SIPA1L1: variants seen among roughly 807,000 people sequenced by gnomAD.
The protein encoded by SIPA1L1 is signal-induced proliferation-associated 1-like protein 1.
A neutral mutation model predicts 162.7 loss-of-function variants in SIPA1L1; 26 were observed. The ratio of observed to expected loss-of-function variants is 0.16; its 90% CI spans 0.12 to 0.22. The LOEUF (loss-of-function observed/expected upper bound fraction) is 0.22, where lower values mean the gene tolerates loss of function less well. Among genes scored for constraint, SIPA1L1 ranks in the 10% least tolerant of loss-of-function variants. SIPA1L1 has a pLI of 1.00. For missense variants in SIPA1L1, 1,874 were observed against 2,241.0 expected (o/e 0.84, Z 3.31); for synonymous variants, 829 against 837.4 (o/e 0.99, Z 0.17).
chr14:71,583,152 C>T (rs1040451023), intron 4 of SIPA1L1, among the ~76,000 whole-genome samples: 7 of 152,142 alleles, frequency 4.6e-5, no homozygotes, highest in African/African-American at 1.7e-4. Flanking sequence ...AAAACTATTT[C>T]TATTTTTTTG....
chr14:71,598,610 T>C (rs567326569), intron 5 of SIPA1L1, among the ~76,000 whole-genome samples: 1 of 152,286 alleles, frequency 6.6e-6, no homozygotes, highest in African/African-American at 2.4e-5. Flanking sequence ...TTAGAATCTA[T>C]AGGGGATTAA....
intron 2 of SIPA1L1, among the ~76,000 whole-genome samples, chr14:71,435,916 C>T (rs2044344343): frequency 6.6e-6 from 1 of 152,176 alleles, no homozygotes; most frequent in African/African-American, 2.4e-5. Context: ...TTGCATTTCT[C>T]TGATGGCCAG....
intron 2 of SIPA1L1, among the ~76,000 whole-genome samples, chr14:71,510,106 A>G (rs750359839): frequency 2.6e-5 from 4 of 152,044 alleles, no homozygotes; most frequent in Non-Finnish European, 5.9e-5. Flanking sequence ...ACTTTGAACC[A>G]AAAATCTTTT....
At chr14:71,701,736 C>T (rs1397993900) in intron 14 of SIPA1L1, among the ~76,000 whole-genome samples, 1 of 152,168 alleles carries the variant, frequency 6.6e-6, no homozygotes, top group Non-Finnish European at 1.5e-5. Flanking sequence ...CACTAAATAG[C>T]TAAATGTTCT....
intron 2 of SIPA1L1, among the ~76,000 whole-genome samples, chr14:71,432,220 C>G (rs1218635398): frequency 6.6e-6 from 1 of 151,896 alleles, no homozygotes; most frequent in Admixed American, 6.6e-5. Flanking sequence ...GACTCTAGAC[C>G]TGTGCCACCT....
intron 2 of SIPA1L1, among the ~76,000 whole-genome samples, chr14:71,436,601 A>T (rs1036198077): frequency 6.6e-6 from 1 of 152,042 alleles, no homozygotes; most frequent in Non-Finnish European, 1.5e-5. Flanking sequence ...TGGCTTGTTC[A>T]TGAACCAGTT....
At chr14:71,605,996 G>A (rs1313216906) in intron 5 of SIPA1L1, among the ~76,000 whole-genome samples, 3 of 152,150 alleles carry the variant, frequency 2.0e-5, no homozygotes, top group Non-Finnish European at 4.4e-5. Flanking sequence ...GTGCACTGGT[G>A]TTGGCCATGG....
In SIPA1L1 at chr14:71,377,957, C is replaced by G. The variant is rs139143040; in HGVS notation, c.-465+56776C>G. On this transcript the variant is annotated intron_variant, in intron 2 of 23. Transcript: ENST00000381232. This position sits in a 1 kb window ranked among gnomAD's most constrained non-coding sequence, Gnocchi z 4.8. ...TCCAGCCTCGGCAACCGAGGGAGAC[C>G]GTGGAAAGCAGGAGATGGAGACGAG... is the stretch of plus-strand genomic sequence containing the variant. Among the ~76,000 whole-genome samples the G allele has an allele frequency of 6.6e-6, 1 of 151,926 alleles. No individual in the cohort carries two copies. The highest frequency in any genetic ancestry group is 1.5e-5 in the Non-Finnish European group (1 of 67,998).
chr14:71,462,234 G>A (rs1198197831), intron 2 of SIPA1L1, among the ~76,000 whole-genome samples: 1 of 152,178 alleles, frequency 6.6e-6, no homozygotes, highest in East Asian at 1.9e-4. Flanking sequence ...TGCAGAAGGC[G>A]GCAGAGCCTT....
At chr14:71,529,821 C>T in intron 4 of SIPA1L1, among the ~76,000 whole-genome samples, 1 of 152,178 alleles carries the variant, frequency 6.6e-6, no homozygotes. Context: ...TCCTGTAATC[C>T]TTTTCTACCC....
Position 71,489,685 on chromosome 14 carries a change from T to C in SIPA1L1, c.-464-23058T>C, listed in dbSNP as rs1241470550. Among the ~76,000 whole-genome samples the C allele has an allele frequency of 2.7e-5, 4 of 149,474 alleles. No individual in the cohort carries two copies. In the Admixed American group the frequency reaches 2.7e-4, roughly 10 times the overall value. Reference sequence around the variant, plus strand: ...CACGCATAAAGTACACTAACACTAATGATAGCTGATTAGCTTAAAAAAAAA... The same window carrying C: ...CACGCATAAAGTACACTAACACTAACGATAGCTGATTAGCTTAAAAAAAAA... On this transcript the variant is annotated intron_variant, in intron 2 of 23. Coordinates refer to ENST00000381232, the MANE Select transcript of SIPA1L1 (RefSeq NM_001386936.1).
intron 5 of SIPA1L1, among the ~76,000 whole-genome samples, chr14:71,591,129 G>T (rs1016271421): frequency 2.6e-5 from 4 of 151,918 alleles, no homozygotes; most frequent in African/African-American, 4.8e-5. Flanking sequence ...TGTAATAATG[G>T]GTACTTTTTT....
At chr14:71,438,215 C>CT (rs749476531) in intron 2 of SIPA1L1, among the ~76,000 whole-genome samples, 8 of 152,046 alleles carry the variant, frequency 5.3e-5, no homozygotes, top group African/African-American at 1.9e-4. Context: ...GCTAGGTATG[C>CT]TTTTTTTTCT....
In SIPA1L1 at chr14:71,738,183, A is replaced by C. The variant is rs1342140873; in HGVS notation, c.5124-58A>C. 1.7e-5 allele frequency: 14 copies of C among 828,186 alleles called. No individual in the cohort carries two copies. In the Admixed American group the frequency reaches 2.2e-4, roughly 13 times the overall value. 51.3% of individuals were successfully genotyped at this position (828,186 alleles called of 1,614,324 possible). A position where few individuals can be genotyped will look rare whatever the true frequency, so the allele number is the denominator to read the frequency against. ...GAGTAAAAAAAAAAAAAAAAAAAAA[A>C]AAACAAACCCAGCCATGGAGGCCCC... is the stretch of plus-strand genomic sequence containing the variant. On this transcript the variant is annotated intron_variant, in intron 22 of 23. Coordinates refer to ENST00000381232, the MANE Select transcript of SIPA1L1 (RefSeq NM_001386936.1).
intron 16 of SIPA1L1, among the ~76,000 whole-genome samples, chr14:71,705,866 AC>A (rs1236891566): frequency 1.3e-5 from 2 of 152,016 alleles, no homozygotes; most frequent in Non-Finnish European, 2.9e-5. Flanking sequence ...CTTCTCACTT[AC>A]AGTAAAATTG....
rs959095318 is a variant in SIPA1L1, at chr14:71,666,567, C to A, written c.2256-4552C>A. 7.2e-5 allele frequency among the ~76,000 whole-genome samples: 11 copies of A among 152,012 alleles called. No individual in the cohort carries two copies. In the South Asian group the frequency reaches 2.3e-3, roughly 32 times the overall value. Reference sequence around the variant, plus strand: ...TAGTAATAAGTAGTCATAACAAGGACCCTGATTGTTCAAAACAAATATTAA... The same window carrying A: ...TAGTAATAAGTAGTCATAACAAGGAACCTGATTGTTCAAAACAAATATTAA... On this transcript the variant is annotated intron_variant, in intron 10 of 23. Transcript: ENST00000381232.
intron 6 of SIPA1L1, 113 bp from the exon 7 acceptor site, chr14:71,623,935 A>C (rs1330612433): frequency 1.2e-6 from 1 of 812,056 alleles, no homozygotes; most frequent in Admixed American, 2.7e-5. Context: ...ACCCATCAAA[A>C]ATCATTCCCT....
intron 2 of SIPA1L1, among the ~76,000 whole-genome samples, chr14:71,429,875 G>A (rs530885773): frequency 2.2e-4 from 34 of 152,300 alleles, no homozygotes; most frequent in African/African-American, 7.5e-4. Context: ...GCTATCAGAT[G>A]TGAATTTATT....
In SIPA1L1 at chr14:71,724,723, C is replaced by A; in HGVS notation, c.4502C>A (p.Thr1501Asn). ...GCCCACACCAGGCTGCGTGCCTCAA[C>A]CAGAGACCTCCGGGCATCTCCTAAG... ...EIAHTRLRAS[T>N]RDLRASPKPT... Residue 1501 changes from threonine to asparagine, a missense_variant, in exon 19 of 24, where the codon ACC becomes AAC. Physicochemically the swap from Thr to Asn is moderately conservative, Grantham distance 65. Around this residue, in one of 5 missense-constraint regions of SIPA1L1, gnomAD observed 936 missense variants for 1,051.9 expected, o/e 0.89. Transcript: ENST00000381232. The A allele has an allele frequency of 6.2e-7, 1 of 1,614,156 alleles. No homozygotes were observed. Among genetic ancestry groups the A allele is most frequent in the Non-Finnish European group, 8.5e-7 (1 of 1,180,020 alleles).
Sources: gnomAD v4.1 joint callset for allele counts (sites outside exome capture counted in the v4.1 genomes callset) on GRCh38, gnomAD v4.1.1 for gene constraint, gnomAD v4.1.1 regional missense constraint, Gnocchi (gnomAD v3.1) non-coding constraint, MANE v1.5 for transcripts, NCBI Gene and HGNC (gene_info 2026-07-23, HGNC 2026-07-21) for gene names.